GMEB2: variants seen among roughly 807,000 people sequenced by gnomAD.
The protein encoded by GMEB2 is glucocorticoid modulatory element binding protein 2.
Under a neutral mutation model 45.7 loss-of-function variants are expected in GMEB2, and 7 were observed. The observed-to-expected ratio is 0.15, with a 90% CI of 0.09 to 0.29. GMEB2 has a LOEUF of 0.29. Among genes scored for constraint, GMEB2 ranks in the 10% least tolerant of loss-of-function variants. The probability of loss-of-function intolerance (pLI) is 1.00; values close to 1 mark genes in which losing one functional copy is unlikely to be tolerated. For synonymous variants in GMEB2, 322 were observed against 323.6 expected, an observed-to-expected ratio of 1.00 and a Z score of 0.05; for missense variants, 582 against 739.2, an observed-to-expected ratio of 0.79 and a Z score of 2.47.
At chr20:63,618,145 A>T (rs1395569417) in intron 2 of GMEB2, among the ~76,000 whole-genome samples, 1 of 152,210 alleles carries the variant, frequency 6.6e-6, no homozygotes, top group Non-Finnish European at 1.5e-5. Flanking sequence ...CATCATGGAC[A>T]CATGCCGGGA....
At chr20:63,591,918 G>T in intron 9 of GMEB2, 104 bp downstream of exon 9, 1 of 997,458 alleles carries the variant, frequency 1.0e-6, no homozygotes, top group South Asian at 1.6e-5. Flanking sequence ...TGGTGGCGGT[G>T]ACTCCAGGAA....
chr20:63,622,932 G>A (rs908578529), intron 1 of GMEB2, among the ~76,000 whole-genome samples: 11 of 152,244 alleles, frequency 7.2e-5, no homozygotes, highest in African/African-American at 2.7e-4. Flanking sequence ...AGCAGTGAGT[G>A]TGGCGGACGG....
At chr20:63,604,286 G>C (rs531341487) in intron 3 of GMEB2, among the ~76,000 whole-genome samples, 84 of 152,150 alleles carry the variant, frequency 5.5e-4, no homozygotes, top group Admixed American at 3.5e-3. Flanking sequence ...GCTGAGGTAG[G>C]AGGATCATCT....
intron 2 of GMEB2, among the ~76,000 whole-genome samples, chr20:63,612,585 C>G (rs922378982): frequency 5.9e-5 from 9 of 152,248 alleles, no homozygotes; most frequent in South Asian, 4.1e-4. Flanking sequence ...AGTCTTAGCT[C>G]TGCCCTTGAA....
At chr20:63,623,070 A>G (rs1297706380) in intron 1 of GMEB2, among the ~76,000 whole-genome samples, 1 of 152,224 alleles carries the variant, frequency 6.6e-6, no homozygotes, top group Non-Finnish European at 1.5e-5. Flanking sequence ...AAACACAAGC[A>G]CTAAGGACTA....
At chr20:63,610,837 T>A (rs2089564376) in intron 2 of GMEB2, among the ~76,000 whole-genome samples, 1 of 152,196 alleles carries the variant, frequency 6.6e-6, no homozygotes, top group Non-Finnish European at 1.5e-5. Context: ...CCCCTCCACT[T>A]GACTTTGGGC....
chr20:63,618,768 A>C (rs556087660), intron 2 of GMEB2, among the ~76,000 whole-genome samples: 38 of 152,306 alleles, frequency 2.5e-4, no homozygotes, highest in African/African-American at 8.7e-4. Context: ...ACCGGCTCAC[A>C]GCAGGAGCAG....
intron 4 of GMEB2, among the ~76,000 whole-genome samples, 199 bp downstream of exon 4, chr20:63,602,766 G>A (rs2083250779): frequency 6.9e-6 from 1 of 145,204 alleles, no homozygotes; most frequent in Non-Finnish European, 1.6e-5. Context: ...CACACAGCGG[G>A]AGGGCCTCCC....
At chr20:63,623,149 G>T (rs1389763351) in intron 1 of GMEB2, among the ~76,000 whole-genome samples, 1 of 152,118 alleles carries the variant, frequency 6.6e-6, no homozygotes, top group East Asian at 1.9e-4. Context: ...GTGATGGAAG[G>T]AAAATGTATT....
chr20:63,602,398 G>C (rs1259991464), intron 4 of GMEB2, among the ~76,000 whole-genome samples: 1 of 152,210 alleles, frequency 6.6e-6, no homozygotes, highest in Non-Finnish European at 1.5e-5. Context: ...TTTGTCTTCT[G>C]ATCTCCAGCC....
intron 2 of GMEB2, among the ~76,000 whole-genome samples, chr20:63,607,568 C>G (rs866119831): frequency 8.3e-5 from 3 of 36,144 alleles, no homozygotes; most frequent in Admixed American, 2.1e-4. Flanking sequence ...ACATGCCCCT[C>G]TGACCCCACC....
At chr20:63,621,745 A>T (rs566667996) in intron 1 of GMEB2, among the ~76,000 whole-genome samples, 7 of 152,184 alleles carry the variant, frequency 4.6e-5, no homozygotes, top group Non-Finnish European at 1.0e-4. Flanking sequence ...CCGTAATAAA[A>T]ACACTGTAAT....
rs745411797 is a variant in GMEB2 at position 63,604,793 on chromosome 20, G to A, written c.179C>T (p.Ala60Val). 5 of 1,612,324 alleles carry A rather than the reference G, an allele frequency of 3.1e-6. No homozygotes were observed. In the South Asian group the frequency reaches 3.3e-5, roughly 11 times the overall value. ...DNMETENAAA[A>V]AAAAFTASSQ... Reference sequence around the variant, plus strand: ...GGAGGCTGTGAAGGCCGCGGCAGCTGCTGCCGCTGCATTTTCTGTCTCCAT... The same window carrying A: ...GGAGGCTGTGAAGGCCGCGGCAGCTACTGCCGCTGCATTTTCTGTCTCCAT... The change falls in exon 3 of 10, where the codon GCA becomes GTA. Residue 60 changes from alanine to valine, a missense_variant. Ala to Val is a moderately conservative substitution (Grantham distance 64, BLOSUM62 0). Around this residue, in one of 3 missense-constraint regions of GMEB2, gnomAD observed 114 missense variants for 123.4 expected, o/e 0.92. Transcript: ENST00000370077.
In GMEB2 at chr20:63,595,723, T is replaced by G; in HGVS notation, c.506A>C (p.Lys169Thr). The G allele has an allele frequency of 6.2e-7, 1 of 1,613,258 alleles. No homozygotes were observed. Among genetic ancestry groups the G allele is most frequent in the South Asian group, 1.1e-5 (1 of 91,074 alleles). The change falls in exon 6 of 10, where the codon AAG becomes ACG. Residue 169 changes from lysine to threonine, a missense_variant. Transcript: ENST00000370077. ...SGELDFYQHD[K>T]VCSNTCRSTK... ...GCTGCGGCAGGTGTTGGAGCAGACC[T>G]TGTCATGCTGGTAGAAGTCCAGTTC...
chr20:63,617,729 G>A (rs1490550741), intron 2 of GMEB2, among the ~76,000 whole-genome samples: 3 of 151,266 alleles, frequency 2.0e-5, no homozygotes, highest in Admixed American at 6.6e-5. Context: ...GTCACGGCTC[G>A]GATGAGATGA....
intron 2 of GMEB2, among the ~76,000 whole-genome samples, chr20:63,611,231 C>T (rs553659460): frequency 1.1e-3 from 163 of 152,384 alleles, no homozygotes; most frequent in African/African-American, 3.7e-3. Flanking sequence ...CAAATGCCAT[C>T]CCAGACCCGG....
intron 5 of GMEB2, 86 bp from the exon 6 acceptor site, chr20:63,595,853 C>A: frequency 8.0e-7 from 1 of 1,253,502 alleles, no homozygotes; most frequent in Non-Finnish European, 1.2e-6. Context: ...GGCCATCCAC[C>A]TGCGTGGGGC....
rs774612471 is a variant in GMEB2 at position 63,619,235 on chromosome 20, T to C, written c.131+32A>G. On this transcript the variant is annotated intron_variant, in intron 2 of 9. Transcript: ENST00000370077. This position sits in a 1 kb window ranked among gnomAD's most constrained non-coding sequence, Gnocchi z 4.6. ...AAGGACAGCCCAACCCAAGCCCCCATCAGCCCCAATGGCACCGAGGCCCGA... is the reference window on the plus strand; with the variant it reads ...AAGGACAGCCCAACCCAAGCCCCCACCAGCCCCAATGGCACCGAGGCCCGA... The C allele has an allele frequency of 1.9e-6, 3 of 1,559,584 alleles. No homozygotes were observed. Among genetic ancestry groups the C allele is most frequent in the Non-Finnish European group, 8.7e-7 (1 of 1,152,780 alleles).
At chr20:63,604,674 T>C in intron 3 of GMEB2, 69 bp downstream of exon 3, 1 of 867,946 alleles carries the variant, frequency 1.2e-6, no homozygotes, top group Non-Finnish European at 2.0e-6. Flanking sequence ...GTTCCTCATT[T>C]TGAGTGCAGG....
Sources: allele counts gnomAD v4.1 joint callset (sites outside exome capture counted in the v4.1 genomes callset), GRCh38; gene constraint gnomAD v4.1.1; regional missense constraint gnomAD v4.1.1; non-coding constraint Gnocchi (gnomAD v3.1); transcripts MANE v1.5; gene names NCBI Gene and HGNC (gene_info 2026-07-23, HGNC 2026-07-21).